The following AUTS2 variants were observed in gnomAD, a reference collection of about 807,000 sequenced individuals.
AUTS2 encodes the protein autism susceptibility gene 2 protein.
A neutral mutation model predicts 112.4 loss-of-function variants in AUTS2; 17 were observed. The observed-to-expected ratio is 0.15, with a 90% CI of 0.10 to 0.23. The LOEUF is 0.23. Ranked by LOEUF, AUTS2 falls within the 10% of genes least tolerant of loss-of-function variation. The pLI is 1.00. For missense variants in AUTS2, 1,510 were observed against 1,701.6 expected, an observed-to-expected ratio of 0.89 and a Z score of 1.98; for synonymous variants, 751 against 702.7, an observed-to-expected ratio of 1.07 and a Z score of -1.09.
At chr7:70,099,807 A>G (rs1804391309) in intron 2 of AUTS2, among the ~76,000 whole-genome samples, 1 of 152,206 alleles carries the variant, frequency 6.6e-6, no homozygotes, top group South Asian at 2.1e-4. Flanking sequence ...CAAGAAAGGT[A>G]CATTTTATTA....
rs562990025 is a variant in AUTS2 at position 69,923,837 on chromosome 7, T to G, written c.522+24339T>G. 8.6e-5 allele frequency among the ~76,000 whole-genome samples: 13 copies of G among 151,892 alleles called. No individual in the cohort carries two copies. The South Asian group carries it at 2.7e-3, about 32-fold the overall frequency. On this transcript the variant is annotated intron_variant, in intron 2 of 18. Transcript: ENST00000342771. ...TAAACTCACTTATTAGTTCTAGTAG[T>G]TTTTTTTGTAGGTCTTACTGGATTT...
intron 5 of AUTS2, among the ~76,000 whole-genome samples, chr7:70,497,375 C>T (rs1190904259): frequency 1.3e-5 from 2 of 152,172 alleles, no homozygotes; most frequent in African/African-American, 4.8e-5. Context: ...CTTGAGGCTT[C>T]AGACAGGTTG....
chr7:70,789,689 C>G, intron 18 of AUTS2, 59 bp from the exon 19 acceptor site: 1 of 1,557,894 alleles, frequency 6.4e-7, no homozygotes, highest in Non-Finnish European at 8.7e-7. Flanking sequence ...CAGCCCCTGG[C>G]CCGGCCGACT....
At chr7:69,751,152 T>C (rs1385762159) in intron 1 of AUTS2, among the ~76,000 whole-genome samples, 3 of 152,138 alleles carry the variant, frequency 2.0e-5, no homozygotes, top group Non-Finnish European at 4.4e-5. Context: ...TGACCAATTA[T>C]TATTGACTAG....
intron 4 of AUTS2, among the ~76,000 whole-genome samples, chr7:70,382,488 T>A (rs1461561594): frequency 6.6e-6 from 1 of 152,190 alleles, no homozygotes; most frequent in Non-Finnish European, 1.5e-5. Flanking sequence ...TGGAAATTCC[T>A]CTATCTGGCA....
chr7:69,901,221 G>C (rs1177262433), intron 2 of AUTS2, among the ~76,000 whole-genome samples: 2 of 152,136 alleles, frequency 1.3e-5, no homozygotes, highest in Non-Finnish European at 2.9e-5. Context: ...CTCTGTGTGA[G>C]ATATGTGAGA....
intron 4 of AUTS2, among the ~76,000 whole-genome samples, chr7:70,150,640 C>T (rs1055296074): frequency 6.6e-6 from 1 of 152,158 alleles, no homozygotes; most frequent in African/African-American, 2.4e-5. Flanking sequence ...TTTAACTGTA[C>T]ATTTTGTAGT....
intron 4 of AUTS2, among the ~76,000 whole-genome samples, chr7:70,352,554 C>T (rs1791816334): frequency 6.6e-6 from 1 of 151,808 alleles, no homozygotes; most frequent in South Asian, 2.1e-4. Context: ...GTTCCTTGTC[C>T]CCAAGGAGGG....
chr7:69,801,999 G>A (rs1393526398), intron 1 of AUTS2, among the ~76,000 whole-genome samples: 5 of 152,154 alleles, frequency 3.3e-5, no homozygotes, highest in Non-Finnish European at 7.4e-5. Flanking sequence ...GGGTGAGGAA[G>A]TAAGCCAGGT....
chr7:70,328,786 A>G (rs1585023238), intron 4 of AUTS2, among the ~76,000 whole-genome samples: 1 of 152,346 alleles, frequency 6.6e-6, no homozygotes, highest in East Asian at 1.9e-4. Context: ...ATCGTTTGAG[A>G]TGAAATTCAC....
chr7:70,445,953 T>C (rs1796301350), intron 5 of AUTS2, among the ~76,000 whole-genome samples: 1 of 152,172 alleles, frequency 6.6e-6, no homozygotes, highest in Non-Finnish European at 1.5e-5. Context: ...AGCAGAGGAA[T>C]TTCTTCTGAG....
At chr7:69,810,135 C>T (rs1433591943) in intron 1 of AUTS2, among the ~76,000 whole-genome samples, 1 of 152,298 alleles carries the variant, frequency 6.6e-6, no homozygotes, top group East Asian at 1.9e-4. Context: ...CTCCACTCCT[C>T]GTGCCTCCCA....
intron 9 of AUTS2, among the ~76,000 whole-genome samples, chr7:70,767,045 T>C (rs1789988980): frequency 6.6e-6 from 1 of 152,192 alleles, no homozygotes; most frequent in African/African-American, 2.4e-5. Flanking sequence ...CGATAATTCA[T>C]AGTGCCATAT....
chr7:70,077,031 G>A (rs1187884546), intron 2 of AUTS2, among the ~76,000 whole-genome samples: 1 of 152,142 alleles, frequency 6.6e-6, no homozygotes. Flanking sequence ...ATGTAGAAGA[G>A]GAATTAGACT....
intron 4 of AUTS2, among the ~76,000 whole-genome samples, chr7:70,233,271 C>T (rs576272572): frequency 6.6e-6 from 1 of 152,312 alleles, no homozygotes; most frequent in East Asian, 1.9e-4. Context: ...CACTTATGCT[C>T]ATTCACATAC....
chr7:70,431,277 C>T (rs1257505223), intron 4 of AUTS2, among the ~76,000 whole-genome samples: 1 of 152,058 alleles, frequency 6.6e-6, no homozygotes, highest in Non-Finnish European at 1.5e-5. Flanking sequence ...GTTTAAAAGA[C>T]GAGTGGGATT....
At chr7:70,113,497 T>G (rs147852579) in intron 2 of AUTS2, among the ~76,000 whole-genome samples, 131 of 152,314 alleles carry the variant, frequency 8.6e-4, no homozygotes, top group African/African-American at 3.0e-3. Context: ...ATTAAAATTT[T>G]CTTGAAAAAG....
intron 6 of AUTS2, among the ~76,000 whole-genome samples, chr7:70,755,424 G>A (rs1023584430): frequency 5.3e-5 from 8 of 152,120 alleles, no homozygotes; most frequent in Non-Finnish European, 1.0e-4. Flanking sequence ...CAGCACTTTG[G>A]GAGGCCGAGG....
At chr7:70,612,021 G>C (rs1324043894) in intron 5 of AUTS2, among the ~76,000 whole-genome samples, 1 of 152,150 alleles carries the variant, frequency 6.6e-6, no homozygotes, top group Admixed American at 6.5e-5. Context: ...TCTGGAGTGT[G>C]TATAATGTAT....
Sources: allele counts gnomAD v4.1 joint callset (sites outside exome capture counted in the v4.1 genomes callset), GRCh38; gene constraint gnomAD v4.1.1; transcripts MANE v1.5; gene names NCBI Gene and HGNC (gene_info 2026-07-23, HGNC 2026-07-21).